The following ARHGAP10 variants were observed in gnomAD, a reference collection of about 807,000 sequenced individuals.
The protein encoded by ARHGAP10 is rho GTPase-activating protein 10.
Under a neutral mutation model 108.6 loss-of-function variants are expected in ARHGAP10, and 87 were observed. The observed-to-expected ratio is 0.80, with a 90% confidence interval of 0.67 to 0.96. The LOEUF (loss-of-function observed/expected upper bound fraction) is 0.96, where lower values mean the gene tolerates loss of function less well. Among genes scored for constraint, ARHGAP10 ranks in the 40% least tolerant of loss-of-function variants. ARHGAP10 has a pLI of 0.00. For synonymous variants in ARHGAP10, 347 were observed against 341.1 expected (o/e 1.02, Z -0.19); for missense variants, 939 against 954.5 (o/e 0.98, Z 0.21).
At chr4:147,867,605 C>T (rs1734617549) in intron 7 of ARHGAP10, among the ~76,000 whole-genome samples, 1 of 152,074 alleles carries the variant, frequency 6.6e-6, no homozygotes, top group Non-Finnish European at 1.5e-5. Flanking sequence ...GTGGTTCATG[C>T]CTGTAATCCC....
chr4:147,767,094 A>G (rs1293083664), intron 1 of ARHGAP10, among the ~76,000 whole-genome samples: 1 of 151,514 alleles, frequency 6.6e-6, no homozygotes, highest in East Asian at 1.9e-4. Context: ...CAAGCAATCC[A>G]CCCACTTTGG....
Position 148,072,000 on chromosome 4 carries a change from C to A in ARHGAP10, c.2280C>A (p.Thr760=), listed in dbSNP as rs1730203843. 1 of 1,613,208 alleles carries A rather than the reference C, an allele frequency of 6.2e-7. No homozygotes were observed. The highest frequency in any genetic ancestry group is 8.5e-7 in the Non-Finnish European group (1 of 1,179,610). The part of the protein sequence containing the change: ...EIGAIFEDVQ[T]SREPGWLEGT... ...TTTTCTCTTCCTTTTCAGTACAAACCTCCAGGGAACCTGGCTGGCTAGAAG... is the reference window on the plus strand; with the variant it reads ...TTTTCTCTTCCTTTTCAGTACAAACATCCAGGGAACCTGGCTGGCTAGAAG... Residue 760 remains threonine (T), a synonymous_variant, in exon 23 of 23, where the codon ACC becomes ACA. Coordinates refer to ENST00000336498, the MANE Select transcript of ARHGAP10 (RefSeq NM_024605.4).
Position 147,906,675 on chromosome 4 carries a change from G to A in ARHGAP10, c.1072G>A (p.Glu358Lys). ...CTTGACCATGCAGGCATTTTCCGAA[G>A]AGGAAAGGAAGCAGTGGTTGGAAGC... ...VSLTMQAFSE[E>K]ERKQWLEALG... The change falls in exon 11 of 23, where the codon GAG (glutamate) becomes AAG (lysine). Residue 358 changes from glutamate to lysine, a missense_variant. Physicochemically the swap from Glu to Lys is moderately conservative, Grantham distance 56 (BLOSUM62 1). Coordinates refer to ENST00000336498, the MANE Select transcript of ARHGAP10 (RefSeq NM_024605.4). The A allele has an allele frequency of 6.2e-7, 1 of 1,614,166 alleles. No homozygotes were observed.
At chr4:147,735,802 A>G (rs1026220285) in intron 1 of ARHGAP10, among the ~76,000 whole-genome samples, 4 of 152,302 alleles carry the variant, frequency 2.6e-5, no homozygotes, top group East Asian at 1.9e-4. Flanking sequence ...CTTTGTTCAA[A>G]TGGCTTTTTT....
chr4:147,924,616 G>A (rs1232744501), intron 13 of ARHGAP10, among the ~76,000 whole-genome samples: 2 of 152,114 alleles, frequency 1.3e-5, no homozygotes, highest in Non-Finnish European at 2.9e-5. Flanking sequence ...GGCATGCTAG[G>A]CTTTGTTTTT....
At chr4:147,762,540 A>ATATT (rs1729634162) in intron 1 of ARHGAP10, among the ~76,000 whole-genome samples, 1 of 149,914 alleles carries the variant, frequency 6.7e-6, no homozygotes, top group African/African-American at 2.5e-5. Flanking sequence ...TTATTTATTT[A>ATATT]TTTTTTTTGA....
chr4:147,933,058 C>A (rs1306643709), intron 13 of ARHGAP10, among the ~76,000 whole-genome samples: 2 of 152,042 alleles, frequency 1.3e-5, no homozygotes, highest in Non-Finnish European at 2.9e-5. Flanking sequence ...CAATAAATTT[C>A]TGAATTGATT....
intron 19 of ARHGAP10, 64 bp downstream of exon 19, chr4:148,023,477 C>T: frequency 6.8e-7 from 1 of 1,468,628 alleles, no homozygotes. Flanking sequence ...CATATGTCGT[C>T]AGGGCAGGCC....
chr4:147,797,310 C>T (rs575059915), intron 1 of ARHGAP10, among the ~76,000 whole-genome samples: 1 of 152,236 alleles, frequency 6.6e-6, no homozygotes, highest in Admixed American at 6.5e-5. Context: ...TTACACTGAC[C>T]CCAGCATGCC....
intron 10 of ARHGAP10, among the ~76,000 whole-genome samples, chr4:147,896,683 C>T (rs928343260): frequency 6.6e-6 from 1 of 151,290 alleles, no homozygotes; most frequent in African/African-American, 2.4e-5. Flanking sequence ...TTTAATTTTT[C>T]TTTTCATTCC....
At position 147,997,042 on chromosome 4, in the gene ARHGAP10, T is replaced by C. The variant is rs926995898; in HGVS notation, c.1717-26221T>C. Among the ~76,000 whole-genome samples, 7 of 152,206 alleles carry C rather than the reference T, an allele frequency of 4.6e-5. No individual in the cohort carries two copies. The East Asian group carries it at 7.7e-4, about 17-fold the overall frequency. ...CAGCCGACTAATAACCATTCTCTCA[T>C]GTGACAGAACACTGAGCAGGCAAAA... On this transcript the variant is annotated intron_variant, in intron 18 of 22. Coordinates refer to ENST00000336498, the MANE Select transcript of ARHGAP10 (RefSeq NM_024605.4).
At chr4:148,054,967 A>G (rs1020701778) in intron 20 of ARHGAP10, among the ~76,000 whole-genome samples, 1 of 152,198 alleles carries the variant, frequency 6.6e-6, no homozygotes, top group African/African-American at 2.4e-5. Flanking sequence ...CAGTGACTGC[A>G]GGACAGTAAC....
In ARHGAP10 at chr4:147,898,954, C is replaced by T. The variant is rs145618250; in HGVS notation, c.1035-7684C>T. On this transcript the variant is annotated intron_variant, in intron 10 of 22. Transcript: ENST00000336498. ...CTGTGATCCATCACCTTATACCTTA[C>T]ACCAGATCCCTTTCTCGACATGTGG... Among the ~76,000 whole-genome samples the T allele has an allele frequency of 1.6e-3, 237 of 152,306 alleles. 1 individual carries two copies. Among genetic ancestry groups the T allele is most frequent in the African/African-American group, 5.3e-3 (221 of 41,578 alleles).
Position 147,797,205 on chromosome 4 carries a change from A to T in ARHGAP10, c.155-25522A>T, listed in dbSNP as rs550133989. On this transcript the variant is annotated intron_variant, in intron 1 of 22. Coordinates refer to ENST00000336498, the MANE Select transcript of ARHGAP10 (RefSeq NM_024605.4). ...TATTCAATGTCCTCAAAGTTATTCAATTTTTTTTTTCTTTTGGTATCACTT... is the reference window on the plus strand; with the variant it reads ...TATTCAATGTCCTCAAAGTTATTCATTTTTTTTTTTCTTTTGGTATCACTT... Among the ~76,000 whole-genome samples the T allele has an allele frequency of 1.2e-4, 18 of 150,062 alleles. No individual in the cohort carries two copies. The East Asian group carries it at 2.9e-3, about 24-fold the overall frequency.
chr4:147,784,879 TA>T (rs1320945107), intron 1 of ARHGAP10, among the ~76,000 whole-genome samples: 8 of 118,942 alleles, frequency 6.7e-5, no homozygotes, highest in Non-Finnish European at 1.3e-4. Flanking sequence ...ATATATATTA[TA>T]AATATATTAT....
chr4:147,988,167 CGT>C (rs144239651), intron 18 of ARHGAP10, among the ~76,000 whole-genome samples: 9,684 of 151,216 alleles, frequency 0.064, 461 homozygotes, highest in African/African-American at 0.14. Context: ...ACAGATGGAG[CGT>C]GTGTGTCTGG....
At chr4:147,817,314 C>G (rs1732292121) in intron 1 of ARHGAP10, among the ~76,000 whole-genome samples, 1 of 152,082 alleles carries the variant, frequency 6.6e-6, no homozygotes, top group Non-Finnish European at 1.5e-5. Context: ...GACAGTGCTG[C>G]CTAGATGGGC....
In ARHGAP10 at chr4:148,031,811, A is replaced by G. The variant is rs148315965; in HGVS notation, c.1867+8398A>G. Among the ~76,000 whole-genome samples the G allele has an allele frequency of 1.2e-3, 179 of 152,326 alleles. 3 individuals carry two copies. Among genetic ancestry groups the G allele is most frequent in the Admixed American group, 0.011 (174 of 15,292 alleles). ...TGGGACATAAAACACTGTAACAAGCATGGGCCCTCCAGGAGAAAAATCCAG... is the reference window on the plus strand; with the variant it reads ...TGGGACATAAAACACTGTAACAAGCGTGGGCCCTCCAGGAGAAAAATCCAG... On this transcript the variant is annotated intron_variant, in intron 19 of 22. Coordinates refer to ENST00000336498, the MANE Select transcript of ARHGAP10 (RefSeq NM_024605.4).
chr4:147,928,268 A>G (rs1737539475), intron 13 of ARHGAP10, among the ~76,000 whole-genome samples: 1 of 152,216 alleles, frequency 6.6e-6, no homozygotes, highest in African/African-American at 2.4e-5. Flanking sequence ...TTTGCTTTGC[A>G]CTTTTTAAAA....
Sources: allele counts gnomAD v4.1 joint callset (sites outside exome capture counted in the v4.1 genomes callset), GRCh38; gene constraint gnomAD v4.1.1; transcripts MANE v1.5; gene names NCBI Gene and HGNC (gene_info 2026-07-23, HGNC 2026-07-21).